Variants in MTUS2 observed in about 807,000 individuals in gnomAD.
MTUS2 encodes the protein microtubule associated scaffold protein 2, also known as microtubule-associated tumor suppressor candidate 2.
In MTUS2, 40 loss-of-function variants were observed where a neutral mutation model predicts 114.1. That is an observed-to-expected ratio of 0.35 (90% CI 0.27 to 0.46). The LOEUF is 0.46. Among genes scored for constraint, MTUS2 ranks in the 20% least tolerant of loss-of-function variants. The pLI, the probability that MTUS2 is intolerant of heterozygous loss-of-function variation, is 1.00. For missense variants in MTUS2, 1,679 were observed against 1,705.4 expected (o/e 0.98, Z 0.27); for synonymous variants, 688 against 672.0 (o/e 1.02, Z -0.37).
Position 29,503,136 on chromosome 13 carries a change from C to A in MTUS2, c.4040C>A (p.Thr1347Lys). The A allele has an allele frequency of 6.2e-7, 1 of 1,614,250 alleles. No individual in the cohort carries two copies. Among genetic ancestry groups the A allele is most frequent in the Non-Finnish European group, 8.5e-7 (1 of 1,180,042 alleles). ...ACCAGTCCGATTAAACTCTCGCCCA[C>A]ATCTCCCGTTTACCGCGGCTCCTCC... Reference protein sequence around the residue: ...DPTSPIKLSPTSPVYRGSSSG... With the variant: ...DPTSPIKLSPKSPVYRGSSSG... Residue 1347 changes from threonine to lysine, a missense_variant, in exon 16 of 16, where the codon ACA becomes AAA. Transcript: ENST00000612955.
intron 10 of MTUS2, among the ~76,000 whole-genome samples, chr13:29,487,062 C>T (rs977479835): frequency 5.9e-5 from 9 of 152,254 alleles, no homozygotes; most frequent in African/African-American, 1.4e-4. Flanking sequence ...GCACTACTTG[C>T]GATTAAACTG....
At chr13:29,024,414 C>G in intron 2 of MTUS2, 43 bp from the exon 3 acceptor site, 1 of 353,890 alleles carries the variant, frequency 2.8e-6, no homozygotes, top group Middle Eastern at 7.4e-4. Flanking sequence ...CTGAGAAGTT[C>G]TATTTGTCAA....
At chr13:28,830,022 G>A (rs1199049132) in intron 1 of MTUS2, among the ~76,000 whole-genome samples, 9 of 151,946 alleles carry the variant, frequency 5.9e-5, no homozygotes, top group Admixed American at 1.3e-4. Flanking sequence ...CCCCCAACAC[G>A]CGTAATCCCT....
At position 29,133,707 on chromosome 13, in the gene MTUS2, G is replaced by C. The variant is rs116392244; in HGVS notation, c.2644+32737G>C. On this transcript the variant is annotated intron_variant, in intron 5 of 15. Coordinates refer to ENST00000612955, the MANE Select transcript of MTUS2 (RefSeq NM_001033602.4). ...ATTATTTATTCTACTTCATGAGTCT[G>C]TATGTCTATCTTTTTGCAGTACCAC... Among the ~76,000 whole-genome samples, 126 of 152,302 alleles carry C rather than the reference G, an allele frequency of 8.3e-4. 1 individual carries two copies. Among genetic ancestry groups the C allele is most frequent in the African/African-American group, 2.9e-3 (121 of 41,574 alleles).
At chr13:29,359,241 G>T (rs557228590) in intron 7 of MTUS2, 21 bp from the exon 8 acceptor site, 2 of 1,572,092 alleles carry the variant, frequency 1.3e-6, no homozygotes, top group African/African-American at 1.4e-5. Context: ...GGTGACCGGG[G>T]TTTGGTTTTC....
At chr13:28,942,846 A>G (rs1256789179) in intron 2 of MTUS2, among the ~76,000 whole-genome samples, 2 of 152,214 alleles carry the variant, frequency 1.3e-5, no homozygotes, top group African/African-American at 4.8e-5. Context: ...GGAGGCTGCC[A>G]GGGTGCTGGT....
intron 2 of MTUS2, among the ~76,000 whole-genome samples, chr13:28,990,116 G>T (rs780955039): frequency 6.6e-5 from 10 of 152,194 alleles, no homozygotes; most frequent in Non-Finnish European, 1.5e-4. Flanking sequence ...CATTCAACAT[G>T]TATCTATGAA....
chr13:29,137,976 A>T (rs766287153), intron 5 of MTUS2, among the ~76,000 whole-genome samples: 2 of 152,198 alleles, frequency 1.3e-5, no homozygotes, highest in African/African-American at 2.4e-5. Flanking sequence ...TTACTTCAGG[A>T]TGAGCAGGAG....
chr13:29,424,644 C>T (rs114834576), intron 8 of MTUS2, among the ~76,000 whole-genome samples: 146 of 152,276 alleles, frequency 9.6e-4, no homozygotes, highest in African/African-American at 3.4e-3. Flanking sequence ...AAGCACACAG[C>T]ATCACCTCTG....
chr13:29,245,292 A>C (rs1896880302), intron 5 of MTUS2, among the ~76,000 whole-genome samples: 1 of 152,198 alleles, frequency 6.6e-6, no homozygotes, highest in African/African-American at 2.4e-5. Context: ...CTTTCTTCTA[A>C]CTCAACTCCA....
chr13:29,410,318 G>T (rs1346956919), intron 8 of MTUS2, among the ~76,000 whole-genome samples: 1 of 152,064 alleles, frequency 6.6e-6, no homozygotes, highest in Non-Finnish European at 1.5e-5. Context: ...GTAGAGATGG[G>T]ATTTCACCAT....
chr13:29,163,798 G>T (rs1310651891), intron 5 of MTUS2, among the ~76,000 whole-genome samples: 1 of 152,126 alleles, frequency 6.6e-6, no homozygotes, highest in Non-Finnish European at 1.5e-5. Flanking sequence ...ACCTATGCAT[G>T]AGACACTTTT....
intron 2 of MTUS2, among the ~76,000 whole-genome samples, chr13:28,947,732 A>G (rs1215452065): frequency 1.3e-5 from 2 of 152,202 alleles, no homozygotes; most frequent in Non-Finnish European, 2.9e-5. Context: ...CACATTTAAA[A>G]TGTTACACTT....
chr13:29,405,988 G>A (rs1013528552), intron 8 of MTUS2, among the ~76,000 whole-genome samples: 1 of 152,198 alleles, frequency 6.6e-6, no homozygotes, highest in African/African-American at 2.4e-5. Flanking sequence ...TGATCCGCCC[G>A]CCTCAGCCTC....
At chr13:29,014,177 A>G (rs954266701) in intron 2 of MTUS2, among the ~76,000 whole-genome samples, 2 of 152,212 alleles carry the variant, frequency 1.3e-5, no homozygotes, top group Non-Finnish European at 2.9e-5. Context: ...GGGAATAAGC[A>G]GCAGACTGGG....
At position 29,276,291 on chromosome 13, in the gene MTUS2, G is replaced by C. The variant is rs573745672; in HGVS notation, c.2645-5413G>C. Among the ~76,000 whole-genome samples, 5 of 152,318 alleles carry C rather than the reference G, an allele frequency of 3.3e-5. No homozygotes were observed. The East Asian group carries it at 5.8e-4, about 18-fold the overall frequency. The stretch of plus-strand genomic sequence containing the variant: ...CGGTTCATGTATTGAACTGGACCCA[G>C]CTGGATTCTGTAATCATGCGGAATA... On this transcript the variant is annotated intron_variant, in intron 5 of 15. Transcript: ENST00000612955.
At chr13:29,323,541 C>A (rs924728813) in intron 6 of MTUS2, among the ~76,000 whole-genome samples, 1 of 152,146 alleles carries the variant, frequency 6.6e-6, no homozygotes, top group Non-Finnish European at 1.5e-5. Flanking sequence ...TGAGCCACCA[C>A]GCCCAGCCTG....
chr13:29,329,814 A>C lies in MTUS2; in HGVS notation c.2905+5103A>C, dbSNP rs1423180799. On this transcript the variant is annotated intron_variant, in intron 7 of 15. Transcript: ENST00000612955. ...TTTTTAGTAGAGATGGGGTTTCACC[A>C]TGTTGGCCAGGCTGATCTCAAACTC... Among the ~76,000 whole-genome samples the C allele has an allele frequency of 3.3e-5, 5 of 151,996 alleles. No individual in the cohort carries two copies. The South Asian group carries it at 8.3e-4, about 25-fold the overall frequency.
intron 4 of MTUS2, among the ~76,000 whole-genome samples, chr13:29,058,670 G>A (rs917053355): frequency 1.7e-4 from 25 of 149,242 alleles, no homozygotes; most frequent in African/African-American, 4.9e-4. Context: ...CCAGTAACTC[G>A]TCATTTAACA....
Sources: allele counts gnomAD v4.1 joint callset (sites outside exome capture counted in the v4.1 genomes callset), GRCh38; gene constraint gnomAD v4.1.1; transcripts MANE v1.5; gene names NCBI Gene and HGNC (gene_info 2026-07-23, HGNC 2026-07-21).